Variants in DNMBP observed in about 807,000 individuals in gnomAD.
DNMBP encodes the protein dynamin-binding protein.
A neutral mutation model predicts 150.0 loss-of-function variants in DNMBP; 87 were observed. The ratio of observed to expected loss-of-function variants is 0.58; its 90% CI spans 0.49 to 0.69. The LOEUF (loss-of-function observed/expected upper bound fraction) is 0.69, where lower values mean the gene tolerates loss of function less well. DNMBP is among the 30% of genes least tolerant of loss of function. The pLI, the probability that DNMBP is intolerant of heterozygous loss-of-function variation, is 0.00. For synonymous variants in DNMBP, 711 were observed against 750.4 expected, an observed-to-expected ratio of 0.95 and a Z score of 0.86; for missense variants, 1,774 against 1,949.0, an observed-to-expected ratio of 0.91 and a Z score of 1.69.
At chr10:99,930,264 G>C (rs1378445246) in intron 4 of DNMBP, 2 of 702,824 alleles carry the variant, frequency 2.8e-6, no homozygotes, top group African/African-American at 3.5e-5. Context: ...ATTCGCTGAA[G>C]AATCATCCAA....
chr10:99,999,947 G>A (rs890706208), intron 1 of DNMBP, among the ~76,000 whole-genome samples: 2 of 152,226 alleles, frequency 1.3e-5, no homozygotes, highest in African/African-American at 2.4e-5. Flanking sequence ...TCAGGAATAT[G>A]AGCCAAGCAA....
intron 1 of DNMBP, among the ~76,000 whole-genome samples, chr10:99,983,448 C>T (rs894487598): frequency 6.6e-6 from 1 of 152,210 alleles, no homozygotes; most frequent in Admixed American, 6.5e-5. Flanking sequence ...AACAGCACTT[C>T]CTCCTATGGT....
intron 4 of DNMBP, among the ~76,000 whole-genome samples, chr10:99,909,939 G>A (rs1227721249): frequency 6.6e-6 from 1 of 152,050 alleles, no homozygotes; most frequent in Non-Finnish European, 1.5e-5. Context: ...CACAGGATGA[G>A]AGAGTTATCT....
At chr10:99,910,790 A>T (rs1589413275) in intron 4 of DNMBP, among the ~76,000 whole-genome samples, 1 of 152,264 alleles carries the variant, frequency 6.6e-6, no homozygotes, top group East Asian at 1.9e-4. Flanking sequence ...ATTTGAGTAT[A>T]AATGAAAAAG....
intron 11 of DNMBP, among the ~76,000 whole-genome samples, chr10:99,894,658 T>A (rs1360499385): frequency 6.6e-6 from 1 of 152,174 alleles, no homozygotes; most frequent in East Asian, 1.9e-4. Flanking sequence ...TTTGATAAAA[T>A]GAACTGTAAT....
chr10:99,901,509 G>A (rs1205087591), intron 6 of DNMBP, among the ~76,000 whole-genome samples: 1 of 152,054 alleles, frequency 6.6e-6, no homozygotes, highest in Non-Finnish European at 1.5e-5. Context: ...AAATAAAGAG[G>A]TCATTTTTTT....
intron 5 of DNMBP, 63 bp downstream of exon 5, chr10:99,908,890 C>T: frequency 6.8e-7 from 1 of 1,464,646 alleles, no homozygotes; most frequent in Non-Finnish European, 9.3e-7. Context: ...CTCCTATATC[C>T]TAATGCTTCT....
chr10:100,004,824 T>C (rs1589457692), intron 1 of DNMBP, among the ~76,000 whole-genome samples: 1 of 152,290 alleles, frequency 6.6e-6, no homozygotes, highest in East Asian at 1.9e-4. Flanking sequence ...GAAGATTTGA[T>C]CAACAGATGT....
rs71009782 is a variant in DNMBP at position 99,883,638 on chromosome 10, CA to C, written c.3997+372del. 7.3e-3 allele frequency among the ~76,000 whole-genome samples: 480 copies of C among 65,586 alleles called. 2 individuals are homozygous for C. The highest frequency in any genetic ancestry group is 0.019 in the African/African-American group (389 of 20,080). The allele number at this position is 65,586 out of a possible 152,430, so 43.0% of individuals were successfully genotyped here. ...CCTGGATAACAGAGCAAGACTGCCA[CA>C]AAAAAAAAAAAAAAAAAAAAAAAAA... On this transcript the variant is annotated intron_variant, in intron 15 of 16. Transcript: ENST00000324109.
intron 3 of DNMBP, among the ~76,000 whole-genome samples, chr10:99,967,592 A>C (rs1480107116): frequency 5.9e-5 from 9 of 152,124 alleles, no homozygotes; most frequent in Non-Finnish European, 7.3e-5. Context: ...CTCAAAATAG[A>C]TTTTGAGGAT....
chr10:99,898,846 A>T, intron 7 of DNMBP, 86 bp from the exon 8 acceptor site: 1 of 1,273,348 alleles, frequency 7.9e-7, no homozygotes, highest in Non-Finnish European at 1.1e-6. Context: ...AACATAAATC[A>T]TGTGGGACAA....
At chr10:99,919,106 C>T (rs4919399) in intron 4 of DNMBP, among the ~76,000 whole-genome samples, 10,034 of 152,076 alleles carry the variant, frequency 0.066, 678 homozygotes, top group East Asian at 0.31. Flanking sequence ...ATAGTGCTCA[C>T]GTTTTACAAA....
At chr10:99,961,639 C>T (rs1224286873) in intron 3 of DNMBP, among the ~76,000 whole-genome samples, 5 of 152,126 alleles carry the variant, frequency 3.3e-5, no homozygotes, top group African/African-American at 9.7e-5. Context: ...CTTGTCCCCA[C>T]GCATTATTTC....
chr10:99,954,357 T>G (rs2040458504), intron 4 of DNMBP, among the ~76,000 whole-genome samples: 1 of 151,970 alleles, frequency 6.6e-6, no homozygotes, highest in Admixed American at 6.6e-5. Flanking sequence ...ATTCTTTATC[T>G]GAGCAGCAAA....
At position 99,940,548 on chromosome 10, in the gene DNMBP, C is replaced by T. The variant is rs2040283613; in HGVS notation, c.2260+14666G>A. Among the ~76,000 whole-genome samples the T allele has an allele frequency of 2.6e-5, 4 of 152,230 alleles. No homozygotes were observed. In the South Asian group the frequency reaches 8.3e-4, roughly 32 times the overall value. On this transcript the variant is annotated intron_variant, in intron 4 of 16. Coordinates refer to ENST00000324109, the MANE Select transcript of DNMBP (RefSeq NM_015221.4). ...TCCTCTCCCTGCTTCTTCAATGTGC[C>T]CATTCTAGTGGATCAGTCCCGTAAA...
rs774163097 is a variant in DNMBP, at chr10:99,956,333, C to T, written c.1141G>A (p.Ala381Thr). ...CCTGGGCTTCTCGGGGGCCCTCCTG[C>T]GGTGTCCTCGTCCTGATAAGAGTTT... ...DRNSYQDEDT[A>T]GGPPRSPGVE... Residue 381 changes from alanine to threonine, a missense_variant, in exon 4 of 17, where the codon GCA becomes ACA. Ala to Thr is a moderately conservative substitution (Grantham distance 58). Coordinates refer to ENST00000324109, the MANE Select transcript of DNMBP (RefSeq NM_015221.4). 20 of 1,613,848 alleles carry T rather than the reference C, an allele frequency of 1.2e-5. No individual in the cohort carries two copies. The highest frequency in any genetic ancestry group is 9.9e-5 in the South Asian group (9 of 91,040).
In DNMBP at chr10:99,909,007, A is replaced by C. The variant is rs911283780; in HGVS notation, c.2400T>G (p.Ile800Met). The part of the protein sequence containing the change: ...EELLQTERDY[I>M]RDLEMCIERI... ...GCTCAATACACATTTCCAGATCCCG[A>C]ATGTAGTCTCTTTCTGTCTGAAGAA... is the stretch of plus-strand genomic sequence containing the variant. Residue 800 changes from isoleucine (I) to methionine (M), a missense_variant, in exon 5 of 17, where the codon ATT becomes ATG. This residue lies in a region of DNMBP where 1,430 missense variants were observed against 1,492.5 expected (regional missense o/e 0.96). Coordinates refer to ENST00000324109, the MANE Select transcript of DNMBP (RefSeq NM_015221.4). 2.5e-6 allele frequency: 4 copies of C among 1,614,008 alleles called. No homozygotes were observed. The African/African-American group carries it at 4.0e-5, about 16-fold the overall frequency.
At chr10:99,939,759 C>A (rs548448612) in intron 4 of DNMBP, among the ~76,000 whole-genome samples, 1 of 152,246 alleles carries the variant, frequency 6.6e-6, no homozygotes, top group Admixed American at 6.5e-5. Flanking sequence ...TCCGCAATCA[C>A]CCCTGCAGAT....
intron 1 of DNMBP, among the ~76,000 whole-genome samples, chr10:99,976,495 C>T (rs959821081): frequency 6.6e-6 from 1 of 152,198 alleles, no homozygotes; most frequent in Non-Finnish European, 1.5e-5. Context: ...CCTCTGTCAA[C>T]TTTTCCACGC....
Sources: gnomAD v4.1 joint callset for allele counts (sites outside exome capture counted in the v4.1 genomes callset) on GRCh38, gnomAD v4.1.1 for gene constraint, gnomAD v4.1.1 regional missense constraint, MANE v1.5 for transcripts, NCBI Gene and HGNC (gene_info 2026-07-23, HGNC 2026-07-21) for gene names.